Variants in TRPC7 observed in about 807,000 individuals in gnomAD.
TRPC7 encodes short transient receptor potential channel 7.
Under a neutral mutation model 90.1 loss-of-function variants are expected in TRPC7, and 42 were observed. The observed-to-expected ratio is 0.47, with a 90% CI of 0.36 to 0.60. The LOEUF (loss-of-function observed/expected upper bound fraction) is 0.60, where lower values mean the gene tolerates loss of function less well. Ranked by LOEUF, TRPC7 falls within the 20% of genes least tolerant of loss-of-function variation. The pLI is 0.00. For synonymous variants in TRPC7, 451 were observed against 436.3 expected, an observed-to-expected ratio of 1.03 and a Z score of -0.42; for missense variants, 955 against 1,112.3, an observed-to-expected ratio of 0.86 and a Z score of 2.01.
chr5:136,326,324 A>G (rs938981156), intron 2 of TRPC7, among the ~76,000 whole-genome samples: 13 of 152,336 alleles, frequency 8.5e-5, no homozygotes, highest in Admixed American at 8.5e-4. Flanking sequence ...GAGTAGAGGA[A>G]TACATGTATA....
chr5:136,256,706 C>T (rs924724669), intron 5 of TRPC7, among the ~76,000 whole-genome samples: 4 of 152,194 alleles, frequency 2.6e-5, no homozygotes, highest in African/African-American at 9.7e-5. Flanking sequence ...TCACTTCTGT[C>T]TTCAGATACC....
intron 10 of TRPC7, among the ~76,000 whole-genome samples, chr5:136,217,937 G>C (rs1461650190): frequency 2.0e-5 from 3 of 150,008 alleles, no homozygotes; most frequent in African/African-American, 7.4e-5. Context: ...AGCATTGCTT[G>C]AACCTGGGAG....
Position 136,284,757 on chromosome 5 carries a change from G to C in TRPC7, c.964-9920C>G, listed in dbSNP as rs186013301. ...GTGAGGAATGCCTTGTTGAGGGAAG[G>C]ATTTTTGTGCAGAGTTGTGAAGGCT... On this transcript the variant is annotated intron_variant, in intron 3 of 11. Coordinates refer to ENST00000513104, the MANE Select transcript of TRPC7 (RefSeq NM_020389.3). 6.6e-5 allele frequency among the ~76,000 whole-genome samples: 10 copies of C among 152,330 alleles called. No individual in the cohort carries two copies. In the East Asian group the frequency reaches 1.9e-3, roughly 29 times the overall value.
At chr5:136,305,969 T>C (rs1758611776) in intron 3 of TRPC7, among the ~76,000 whole-genome samples, 1 of 152,150 alleles carries the variant, frequency 6.6e-6, no homozygotes, top group Non-Finnish European at 1.5e-5. Flanking sequence ...TCCTTTTTAT[T>C]AGGCCCCAGT....
chr5:136,341,499 A>G (rs890500358), intron 2 of TRPC7, among the ~76,000 whole-genome samples: 2 of 152,114 alleles, frequency 1.3e-5, no homozygotes, highest in Admixed American at 1.3e-4. Context: ...ACACCTATGT[A>G]TAAATAAAAG....
chr5:136,344,551 A>G (rs950715), intron 2 of TRPC7, among the ~76,000 whole-genome samples: 58,101 of 152,132 alleles, frequency 0.38, 11,486 homozygotes, highest in Middle Eastern at 0.5. Context: ...TAGCAATTAG[A>G]GAAACACAAA....
intron 4 of TRPC7, among the ~76,000 whole-genome samples, chr5:136,272,136 TA>T (rs1450903317): frequency 6.6e-6 from 1 of 152,248 alleles, no homozygotes; most frequent in Non-Finnish European, 1.5e-5. Flanking sequence ...TATCAAGGTC[TA>T]AGTTTTCAGA....
intron 3 of TRPC7, among the ~76,000 whole-genome samples, chr5:136,292,980 C>A (rs1758017037): frequency 6.6e-6 from 1 of 152,144 alleles, no homozygotes; most frequent in African/African-American, 2.4e-5. Context: ...GGATGCAAGG[C>A]TGGTTCAACG....
intron 3 of TRPC7, among the ~76,000 whole-genome samples, chr5:136,298,981 G>A (rs1195573159): frequency 6.6e-6 from 1 of 151,972 alleles, no homozygotes; most frequent in Non-Finnish European, 1.5e-5. Context: ...ATTTAACTGT[G>A]GGCATGACAT....
rs1759095528 is a variant in TRPC7, at chr5:136,318,455, G to A, written c.781-2676C>T. Among the ~76,000 whole-genome samples the A allele has an allele frequency of 1.3e-5, 2 of 152,018 alleles. 1 individual carries two copies. Among genetic ancestry groups the A allele is most frequent in the Admixed American group, 1.3e-4 (2 of 15,268 alleles). On this transcript the variant is annotated intron_variant, in intron 2 of 11. Coordinates refer to ENST00000513104, the MANE Select transcript of TRPC7 (RefSeq NM_020389.3). ...GACCAGAGAGATAAAGTAACAGGCA[G>A]ATCTACGCTCTTCCTTATATCTGCC...
intron 8 of TRPC7, among the ~76,000 whole-genome samples, chr5:136,230,212 G>A (rs533124717): frequency 8.5e-5 from 13 of 152,274 alleles, no homozygotes; most frequent in African/African-American, 2.9e-4. Context: ...TGAGTCAATA[G>A]GTCAGTGCTT....
At chr5:136,314,684 T>C (rs1758953739) in intron 3 of TRPC7, among the ~76,000 whole-genome samples, 1 of 152,186 alleles carries the variant, frequency 6.6e-6, no homozygotes, top group Non-Finnish European at 1.5e-5. Flanking sequence ...CAAATTAAGA[T>C]AATCAGGAAA....
chr5:136,303,271 A>G (rs1758470020), intron 3 of TRPC7, among the ~76,000 whole-genome samples: 1 of 152,200 alleles, frequency 6.6e-6, no homozygotes, highest in Non-Finnish European at 1.5e-5. Flanking sequence ...TTACAGCCCT[A>G]GACCCTAAAA....
intron 3 of TRPC7, among the ~76,000 whole-genome samples, chr5:136,293,107 A>G (rs1758021780): frequency 6.6e-6 from 1 of 152,230 alleles, no homozygotes; most frequent in African/African-American, 2.4e-5. Context: ...TTCATGCTAA[A>G]AACTCTCAAT....
Position 136,280,049 on chromosome 5 carries a change from A to G in TRPC7, c.964-5212T>C, listed in dbSNP as rs146066101. On this transcript the variant is annotated intron_variant, in intron 3 of 11. Transcript: ENST00000513104. ...GTGGCTGGTGCCTGTAATCCCAGCT[A>G]CTTGGAAGGCTGAGGCAGGAGAATT... Among the ~76,000 whole-genome samples, 114 of 152,248 alleles carry G rather than the reference A, an allele frequency of 7.5e-4. 1 individual carries two copies. Among genetic ancestry groups the G allele is most frequent in the African/African-American group, 2.6e-3 (109 of 41,560 alleles).
At chr5:136,227,637 T>G (rs1424894075) in intron 8 of TRPC7, among the ~76,000 whole-genome samples, 1 of 152,202 alleles carries the variant, frequency 6.6e-6, no homozygotes, top group African/African-American at 2.4e-5. Flanking sequence ...GGCTTACTCC[T>G]GGTCTCGCTG....
At position 136,238,066 on chromosome 5, in the gene TRPC7, CTT is replaced by C. The variant is rs137865095; in HGVS notation, c.1845-6519_1845-6518del. ...CCTGGGTGCACTGGCTGAGCTCTCT[CTT>C]GGAATGCCTTCCTCTCTCTCTGTAC... On this transcript the variant is annotated intron_variant, in intron 7 of 11. Coordinates refer to ENST00000513104, the MANE Select transcript of TRPC7 (RefSeq NM_020389.3). Among the ~76,000 whole-genome samples, 257 of 152,306 alleles carry C rather than the reference CTT, an allele frequency of 1.7e-3. 1 individual carries two copies. Among genetic ancestry groups the C allele is most frequent in the African/African-American group, 5.7e-3 (235 of 41,572 alleles).
chr5:136,269,759 C>T (rs1210961253), intron 4 of TRPC7, among the ~76,000 whole-genome samples: 1 of 152,172 alleles, frequency 6.6e-6, no homozygotes, highest in Non-Finnish European at 1.5e-5. Flanking sequence ...AGAGGCAGAT[C>T]CTCAAGATGC....
chr5:136,289,225 C>T (rs1260430249), intron 3 of TRPC7, among the ~76,000 whole-genome samples: 2 of 152,280 alleles, frequency 1.3e-5, no homozygotes, highest in Non-Finnish European at 1.5e-5. Flanking sequence ...CAGCTCCCAG[C>T]ATGAGCGACG....
Sources: allele counts gnomAD v4.1 joint callset (sites outside exome capture counted in the v4.1 genomes callset), GRCh38; gene constraint gnomAD v4.1.1; transcripts MANE v1.5; gene names NCBI Gene and HGNC (gene_info 2026-07-23, HGNC 2026-07-21).